Variants in CLSTN2 observed in about 807,000 individuals in gnomAD.
The protein encoded by CLSTN2 is calsyntenin-2.
Under a neutral mutation model 101.2 loss-of-function variants are expected in CLSTN2, and 48 were observed. The observed-to-expected ratio is 0.47, with a 90% CI of 0.38 to 0.60. The LOEUF is 0.60. Ranked by LOEUF, CLSTN2 falls within the 20% of genes least tolerant of loss-of-function variation. The pLI is 0.00. For missense variants in CLSTN2, 1,160 were observed against 1,238.2 expected (o/e 0.94, Z 0.95); for synonymous variants, 481 against 463.6 (o/e 1.04, Z -0.48).
chr3:140,262,494 A>G (rs1433425631), intron 2 of CLSTN2, among the ~76,000 whole-genome samples: 3 of 6,468 alleles, frequency 4.6e-4, no homozygotes, highest in Non-Finnish European at 0.023. Flanking sequence ...TATGAACTCT[A>G]ACTGGTTGAA....
chr3:139,986,275 T>C (rs1171882280), intron 1 of CLSTN2, among the ~76,000 whole-genome samples: 1 of 152,196 alleles, frequency 6.6e-6, no homozygotes, highest in Admixed American at 6.5e-5. Flanking sequence ...TTGCTGTGAG[T>C]CATTACCATA....
chr3:140,487,626 A>C (rs1033606059), intron 8 of CLSTN2, among the ~76,000 whole-genome samples: 1 of 152,244 alleles, frequency 6.6e-6, no homozygotes, highest in Non-Finnish European at 1.5e-5. Context: ...TTATGTGTTC[A>C]TGGGAAAGAC....
chr3:140,100,360 G>T (rs2008944931), intron 1 of CLSTN2, among the ~76,000 whole-genome samples: 1 of 152,060 alleles, frequency 6.6e-6, no homozygotes. Flanking sequence ...CTTGGCTGTG[G>T]ACTGTATCAA....
Position 140,459,696 on chromosome 3 carries a change from G to C in CLSTN2, c.1149G>C (p.Met383Ile). The stretch of plus-strand genomic sequence containing the variant: ...TGACCGATCAGTTCACCATCACCAT[G>C]TGGATGAAACACGGCCCCAGCCCTG... ...KNLTDQFTIT[M>I]WMKHGPSPGV... Residue 383 changes from methionine (M) to isoleucine (I), a missense_variant, in exon 7 of 17, where the codon ATG becomes ATC. Physicochemically the swap from Met to Ile is conservative, Grantham distance 10 (BLOSUM62 1). Transcript: ENST00000458420. 1 of 1,614,142 alleles carries C rather than the reference G, an allele frequency of 6.2e-7. No individual in the cohort carries two copies.
At chr3:140,169,491 A>G (rs532304560) in intron 1 of CLSTN2, among the ~76,000 whole-genome samples, 17 of 152,246 alleles carry the variant, frequency 1.1e-4, no homozygotes, top group African/African-American at 3.9e-4. Context: ...GTTAGAACCT[A>G]CAGTACAATG....
At chr3:140,532,590 A>C (rs527347152) in intron 9 of CLSTN2, 104 bp downstream of exon 9, 1 of 955,476 alleles carries the variant, frequency 1.0e-6, no homozygotes, top group African/African-American at 1.6e-5. Context: ...TAGTCTAGAA[A>C]AATTACTACC....
chr3:140,283,227 T>C (rs933014423), intron 2 of CLSTN2, among the ~76,000 whole-genome samples: 1 of 152,210 alleles, frequency 6.6e-6, no homozygotes, highest in African/African-American at 2.4e-5. Context: ...GCATCACTAG[T>C]TCAGGTGAAG....
rs1471122918 is a variant in CLSTN2 at position 139,984,178 on chromosome 3, C to A, written c.109+48695C>A. Among the ~76,000 whole-genome samples, 3 of 152,086 alleles carry A rather than the reference C, an allele frequency of 2.0e-5. No homozygotes were observed. The East Asian group carries it at 5.8e-4, about 29-fold the overall frequency. On this transcript the variant is annotated intron_variant, in intron 1 of 16. Transcript: ENST00000458420. ...GTGTTTGAGACAGCAGTGGAGACAC[C>A]CACTGCGTGGTAACTGAGGGAACAG...
chr3:140,127,618 C>T (rs906536178), intron 1 of CLSTN2, among the ~76,000 whole-genome samples: 1 of 152,118 alleles, frequency 6.6e-6, no homozygotes, highest in African/African-American at 2.4e-5. Context: ...GGAATCACAG[C>T]TCTTGGGCCC....
At chr3:140,110,508 C>G (rs936553658) in intron 1 of CLSTN2, among the ~76,000 whole-genome samples, 21 of 152,222 alleles carry the variant, frequency 1.4e-4, no homozygotes, top group African/African-American at 4.8e-4. Flanking sequence ...CAGGACTTTT[C>G]ACTTTGCTAT....
At chr3:139,936,509 G>A (rs942004123) in intron 1 of CLSTN2, among the ~76,000 whole-genome samples, 6 of 152,182 alleles carry the variant, frequency 3.9e-5, no homozygotes, top group Admixed American at 3.9e-4. Flanking sequence ...GACAATGAGG[G>A]GTACTTGGTC....
chr3:140,228,803 G>T (rs569342664), intron 2 of CLSTN2, among the ~76,000 whole-genome samples: 51 of 152,272 alleles, frequency 3.3e-4, no homozygotes, highest in Admixed American at 7.8e-4. Context: ...AAAACCATCA[G>T]ATCTCATGAG....
At chr3:140,045,484 A>G (rs1376862125) in intron 1 of CLSTN2, among the ~76,000 whole-genome samples, 4 of 151,916 alleles carry the variant, frequency 2.6e-5, no homozygotes, top group African/African-American at 9.7e-5. Context: ...CAGCTCCTGG[A>G]TTCATTGATT....
intron 1 of CLSTN2, among the ~76,000 whole-genome samples, chr3:140,049,656 C>A (rs1004203753): frequency 6.6e-6 from 1 of 152,026 alleles, no homozygotes; most frequent in Non-Finnish European, 1.5e-5. Flanking sequence ...TCCTTTTGAC[C>A]ACGTTGCTTC....
At chr3:140,033,577 C>T (rs750310352) in intron 1 of CLSTN2, among the ~76,000 whole-genome samples, 9 of 152,172 alleles carry the variant, frequency 5.9e-5, no homozygotes, top group Admixed American at 1.3e-4. Flanking sequence ...CACTGTGTAC[C>T]TTCACTACTT....
intron 4 of CLSTN2, 60 bp from the exon 5 acceptor site, chr3:140,421,065 G>T: frequency 6.5e-7 from 1 of 1,546,996 alleles, no homozygotes; most frequent in South Asian, 1.2e-5. Context: ...AAGAGATTTG[G>T]GAGAAGTACA....
chr3:140,118,496 G>T (rs1158269260), intron 1 of CLSTN2, among the ~76,000 whole-genome samples: 1 of 152,070 alleles, frequency 6.6e-6, no homozygotes, highest in East Asian at 1.9e-4. Flanking sequence ...TGATGAGGCT[G>T]GGGAAACAAA....
chr3:140,020,534 C>T (rs1895857), intron 1 of CLSTN2, among the ~76,000 whole-genome samples: 28,248 of 152,100 alleles, frequency 0.19, 2,819 homozygotes, highest in Admixed American at 0.29. Flanking sequence ...GTGAGGGAGA[C>T]CTGTCTGTAG....
At chr3:139,991,000 G>T (rs1158245706) in intron 1 of CLSTN2, among the ~76,000 whole-genome samples, 1 of 152,112 alleles carries the variant, frequency 6.6e-6, no homozygotes, top group Non-Finnish European at 1.5e-5. Context: ...AACAAAGTGA[G>T]TCTATTTAAA....
Sources: gnomAD v4.1 joint callset for allele counts (sites outside exome capture counted in the v4.1 genomes callset) on GRCh38, gnomAD v4.1.1 for gene constraint, MANE v1.5 for transcripts, NCBI Gene and HGNC (gene_info 2026-07-23, HGNC 2026-07-21) for gene names.